Variants in LIMCH1 observed in about 807,000 individuals in gnomAD.
LIMCH1 encodes the protein LIM and calponin homology domains 1.
A neutral mutation model predicts 176.5 loss-of-function variants in LIMCH1; 113 were observed. That is an observed-to-expected ratio of 0.64 (90% CI 0.55 to 0.75). The LOEUF (loss-of-function observed/expected upper bound fraction) is 0.75, where lower values mean the gene tolerates loss of function less well. LIMCH1 is among the 30% of genes least tolerant of loss of function. LIMCH1 has a pLI of 0.00. For missense variants in LIMCH1, 1,674 were observed against 1,814.9 expected (o/e 0.92, Z 1.41); for synonymous variants, 619 against 645.9 (o/e 0.96, Z 0.63).
At chr4:41,412,119 G>T (rs2059549617) in intron 1 of LIMCH1, among the ~76,000 whole-genome samples, 1 of 152,094 alleles carries the variant, frequency 6.6e-6, no homozygotes, top group Non-Finnish European at 1.5e-5. Flanking sequence ...GTTTTCTTCT[G>T]TATTAAGGCT....
chr4:41,490,824 G>C (rs2070701659), intron 1 of LIMCH1, among the ~76,000 whole-genome samples: 1 of 152,190 alleles, frequency 6.6e-6, no homozygotes, highest in Non-Finnish European at 1.5e-5. Context: ...TTCCCAGATG[G>C]GGTGGCCTGG....
chr4:41,675,551 C>T (rs1338392124), intron 22 of LIMCH1, among the ~76,000 whole-genome samples: 1 of 152,038 alleles, frequency 6.6e-6, no homozygotes, highest in Non-Finnish European at 1.5e-5. Context: ...AGTTATTGTG[C>T]CCTGGTCTGC....
At chr4:41,563,290 C>G (rs906504177) in intron 1 of LIMCH1, among the ~76,000 whole-genome samples, 8 of 152,058 alleles carry the variant, frequency 5.3e-5, no homozygotes, top group African/African-American at 1.9e-4. Flanking sequence ...ATATGGGGGC[C>G]TGCAGTGTAT....
At chr4:41,547,146 A>G (rs2079551072) in intron 1 of LIMCH1, among the ~76,000 whole-genome samples, 1 of 152,132 alleles carries the variant, frequency 6.6e-6, no homozygotes, top group Admixed American at 6.5e-5. Context: ...TTGCTGACTT[A>G]TTTCTTTGTG....
chr4:41,473,176 C>T (rs559124633), intron 1 of LIMCH1: 27 of 985,188 alleles, frequency 2.7e-5, no homozygotes, highest in Middle Eastern at 5.2e-4. Flanking sequence ...CTGCCAATAC[C>T]GAGAGTGAGA....
At chr4:41,399,033 G>A (rs1461267119) in intron 1 of LIMCH1, among the ~76,000 whole-genome samples, 3 of 152,176 alleles carry the variant, frequency 2.0e-5, no homozygotes, top group Non-Finnish European at 4.4e-5. Flanking sequence ...TTTACAGGGT[G>A]CCCATTGCTG....
intron 1 of LIMCH1, among the ~76,000 whole-genome samples, chr4:41,431,744 A>G (rs1401911366): frequency 6.6e-6 from 1 of 152,158 alleles, no homozygotes; most frequent in Non-Finnish European, 1.5e-5. Flanking sequence ...TTACATATAG[A>G]CTGAATCCTC....
intron 1 of LIMCH1, among the ~76,000 whole-genome samples, chr4:41,417,231 C>T (rs1198206352): frequency 6.6e-6 from 1 of 152,104 alleles, no homozygotes; most frequent in Admixed American, 6.5e-5. Flanking sequence ...GTTTCAAGAT[C>T]GAGTCACTCC....
intron 1 of LIMCH1, among the ~76,000 whole-genome samples, chr4:41,412,448 A>C (rs1702788868): frequency 6.6e-6 from 1 of 152,210 alleles, no homozygotes; most frequent in African/African-American, 2.4e-5. Flanking sequence ...AGGTTACTTA[A>C]GGATACTAAG....
rs1290201843 is a variant in LIMCH1, at chr4:41,662,946, G to A, written c.3253G>A (p.Glu1085Lys). ...AAAAGACCAGAAGAAACCAGAAAAT[G>A]AAATGAGTGGAAAGGTGGAGTTGGT... Reference protein sequence around the residue: ...EEKDQKKPENEMSGKVELVLS... With the variant: ...EEKDQKKPENKMSGKVELVLS... The change falls in exon 20 of 32, where the codon GAA (glutamate) becomes AAA (lysine). Residue 1085 changes from glutamate (E) to lysine (K), a missense_variant. Transcript: ENST00000503057. 6.2e-7 allele frequency: 1 copy of A among 1,613,982 alleles called. No individual in the cohort carries two copies. The highest frequency in any genetic ancestry group is 1.1e-5 in the South Asian group (1 of 91,066).
chr4:41,525,284 C>T (rs545519295), intron 3 of LIMCH1, among the ~76,000 whole-genome samples: 1 of 152,170 alleles, frequency 6.6e-6, no homozygotes, highest in African/African-American at 2.4e-5. Flanking sequence ...GTATGTAGCT[C>T]GGTAATGACT....
intron 1 of LIMCH1, among the ~76,000 whole-genome samples, chr4:41,437,688 G>A (rs1159170296): frequency 2.0e-5 from 3 of 152,192 alleles, no homozygotes; most frequent in Non-Finnish European, 2.9e-5. Context: ...GGCCAGGAGG[G>A]CCCTATGCCT....
chr4:41,656,142 T>G (rs1460033703), intron 18 of LIMCH1, among the ~76,000 whole-genome samples: 1 of 152,222 alleles, frequency 6.6e-6, no homozygotes, highest in Admixed American at 6.5e-5. Flanking sequence ...TTTCCCATTT[T>G]GAAAAAGCTC....
chr4:41,610,427 G>C (rs2091286547), intron 4 of LIMCH1, among the ~76,000 whole-genome samples: 1 of 152,180 alleles, frequency 6.6e-6, no homozygotes. Context: ...TAAATGAAGA[G>C]AGAGATAGAG....
intron 1 of LIMCH1, chr4:41,551,488 T>A (rs1402589671): frequency 1.3e-5 from 2 of 152,086 alleles, no homozygotes; most frequent in East Asian, 3.9e-4. Flanking sequence ...CTTCCAGGGG[T>A]AGGCTGTATT....
intron 30 of LIMCH1, 144 bp downstream of exon 30, chr4:41,689,779 A>G: frequency 1.8e-6 from 1 of 561,626 alleles, no homozygotes; most frequent in South Asian, 2.3e-5. Flanking sequence ...TTCCTTCAGA[A>G]TGAAACTCAC....
rs1193595821 is a variant in LIMCH1 at position 41,670,776 on chromosome 4, GT to G, written c.3398-773del. ...TTCAGAACTCTTGGCGACGATCCCA[GT>G]TTTTCTCCCAGTCAGGTAAACTGCA... On this transcript the variant is annotated intron_variant, in intron 21 of 31. Transcript: ENST00000503057. 2.6e-6 allele frequency: 4 copies of G among 1,535,914 alleles called. No individual in the cohort carries two copies. The East Asian group carries it at 9.8e-5, about 38-fold the overall frequency.
chr4:41,444,534 T>C (rs962995487), intron 1 of LIMCH1, among the ~76,000 whole-genome samples: 3 of 152,180 alleles, frequency 2.0e-5, no homozygotes, highest in Admixed American at 6.5e-5. Flanking sequence ...TGTCTCTTCA[T>C]TGGCCAACAC....
intron 3 of LIMCH1, among the ~76,000 whole-genome samples, chr4:41,527,779 C>T (rs1036325488): frequency 5.6e-5 from 8 of 143,034 alleles, no homozygotes; most frequent in African/African-American, 1.1e-4. Flanking sequence ...GCCAAGATTG[C>T]GCCACTGCAC....
Sources: allele counts gnomAD v4.1 joint callset (sites outside exome capture counted in the v4.1 genomes callset), GRCh38; gene constraint gnomAD v4.1.1; transcripts MANE v1.5; gene names NCBI Gene and HGNC (gene_info 2026-07-23, HGNC 2026-07-21).